The following OSBPL10 variants were observed in gnomAD, a reference collection of about 807,000 sequenced individuals.
OSBPL10 encodes the protein oxysterol binding protein like 10.
Under a neutral mutation model 81.7 loss-of-function variants are expected in OSBPL10, and 49 were observed. The observed-to-expected ratio is 0.60, with a 90% CI of 0.48 to 0.76. The LOEUF (loss-of-function observed/expected upper bound fraction) is 0.76. Among genes scored for constraint, OSBPL10 ranks in the 30% least tolerant of loss-of-function variants. OSBPL10 has a pLI of 0.00. For synonymous variants in OSBPL10, 419 were observed against 383.6 expected (o/e 1.09, Z -1.08); for missense variants, 923 against 987.8 (o/e 0.93, Z 0.88).
chr3:31,947,020 G>C (rs1398169788), intron 1 of OSBPL10, among the ~76,000 whole-genome samples: 1 of 152,110 alleles, frequency 6.6e-6, no homozygotes, highest in African/African-American at 2.4e-5. Flanking sequence ...GCAGTTATCA[G>C]AAGAGACAAA....
intron 1 of OSBPL10, among the ~76,000 whole-genome samples, chr3:31,921,020 C>T (rs2125706103): frequency 6.6e-6 from 1 of 152,228 alleles, no homozygotes; most frequent in East Asian, 1.9e-4. Context: ...ATTATAGCAA[C>T]ACAAATGGAC....
At chr3:31,849,136 C>T (rs1443474465) in intron 3 of OSBPL10, among the ~76,000 whole-genome samples, 3 of 152,206 alleles carry the variant, frequency 2.0e-5, no homozygotes, top group Non-Finnish European at 4.4e-5. Context: ...GTGAACAGAA[C>T]CAGCCATCAC....
chr3:31,895,426 C>G (rs552304487), intron 1 of OSBPL10, among the ~76,000 whole-genome samples: 8 of 151,920 alleles, frequency 5.3e-5, no homozygotes, highest in Non-Finnish European at 1.2e-4. Flanking sequence ...CATGAGCCAC[C>G]GCACCCAGCC....
At chr3:31,873,950 A>G (rs1257755758) in intron 3 of OSBPL10, among the ~76,000 whole-genome samples, 2 of 152,200 alleles carry the variant, frequency 1.3e-5, no homozygotes, top group Non-Finnish European at 2.9e-5. Flanking sequence ...ATGAGTGGTA[A>G]TAGCACTTTC....
At chr3:31,711,922 T>C (rs1054715089) in intron 6 of OSBPL10, among the ~76,000 whole-genome samples, 1 of 151,874 alleles carries the variant, frequency 6.6e-6, no homozygotes, top group Non-Finnish European at 1.5e-5. Flanking sequence ...TGATGCAAAA[T>C]CAAATAGCAA....
Position 31,675,945 on chromosome 3 carries a change from C to CAAAAAA in OSBPL10, c.1727-4968_1727-4963dup, listed in dbSNP as rs773575072. ...TGGGCGACAGAGCGAGACTCCATCT[C>CAAAAAA]AAAAAAAAAAAAAAAAAAAAGAGGA... On this transcript the variant is annotated intron_variant, in intron 8 of 11. Transcript: ENST00000396556. 8.7e-3 allele frequency among the ~76,000 whole-genome samples: 513 copies of CAAAAAA among 59,120 alleles called. 34 individuals are homozygous for CAAAAAA. Among genetic ancestry groups the CAAAAAA allele is most frequent in the African/African-American group, 0.027 (485 of 18,096 alleles). The allele number at this position is 59,120 out of a possible 152,430, so 38.8% of individuals were successfully genotyped here.
At chr3:32,019,646 C>G (rs1446754224) in intron 2 of OSBPL10, among the ~76,000 whole-genome samples, 1 of 152,086 alleles carries the variant, frequency 6.6e-6, no homozygotes, top group African/African-American at 2.4e-5. Context: ...GTATTGGCCT[C>G]ATTTGTAAAT....
At chr3:31,879,577 C>CA (rs1471729792) in intron 2 of OSBPL10, 78 bp downstream of exon 2, 33 of 1,461,274 alleles carry the variant, frequency 2.3e-5, no homozygotes, top group Middle Eastern at 1.8e-4. Context: ...TTTAAAAAAA[C>CA]AAAAAATCAA....
intron 2 of OSBPL10, among the ~76,000 whole-genome samples, chr3:31,999,315 ATTAT>A (rs1214316623): frequency 6.7e-6 from 1 of 148,882 alleles, no homozygotes; most frequent in Non-Finnish European, 1.5e-5. Context: ...AATGAATGTG[ATTAT>A]TTATGCTTTG....
At chr3:31,818,629 C>T (rs1446179725) in intron 4 of OSBPL10, among the ~76,000 whole-genome samples, 2 of 152,206 alleles carry the variant, frequency 1.3e-5, no homozygotes, top group African/African-American at 2.4e-5. Context: ...CCACTAACCG[C>T]TTCTCCAGCT....
At chr3:31,741,635 A>G (rs1575513763) in intron 5 of OSBPL10, among the ~76,000 whole-genome samples, 1 of 152,350 alleles carries the variant, frequency 6.6e-6, no homozygotes, top group East Asian at 1.9e-4. Flanking sequence ...AATAAAAAAT[A>G]AACACTTATC....
At chr3:32,055,026 C>G (rs987966460) in intron 1 of OSBPL10, among the ~76,000 whole-genome samples, 7 of 152,038 alleles carry the variant, frequency 4.6e-5, no homozygotes, top group Non-Finnish European at 5.9e-5. Context: ...ACTTTCAGGA[C>G]TCTCATGAAG....
At chr3:31,831,809 C>T (rs981983786) in intron 3 of OSBPL10, among the ~76,000 whole-genome samples, 8 of 152,162 alleles carry the variant, frequency 5.3e-5, no homozygotes, top group African/African-American at 1.9e-4. Context: ...CTGAGAACAG[C>T]AATCAGCAGA....
At chr3:31,759,777 T>TC (rs759867736) in intron 4 of OSBPL10, among the ~76,000 whole-genome samples, 2 of 152,108 alleles carry the variant, frequency 1.3e-5, no homozygotes, top group African/African-American at 2.4e-5. Context: ...CTTTTTTTTT[T>TC]CCCCAAGAGT....
intron 4 of OSBPL10, among the ~76,000 whole-genome samples, chr3:31,789,136 G>A (rs9850503): frequency 6.5e-4 from 99 of 152,238 alleles, no homozygotes; most frequent in African/African-American, 2.3e-3. Context: ...ATGCCACCAC[G>A]CCCAGCTAAT....
intron 7 of OSBPL10, 29 bp downstream of exon 7, chr3:31,702,330 C>T (rs1490352355): frequency 6.2e-7 from 1 of 1,610,238 alleles, no homozygotes; most frequent in Non-Finnish European, 8.5e-7. Flanking sequence ...CAACAACTGA[C>T]CACAAATCCA....
intron 1 of OSBPL10, among the ~76,000 whole-genome samples, chr3:31,937,058 G>A (rs1291908723): frequency 6.6e-6 from 1 of 152,186 alleles, no homozygotes; most frequent in African/African-American, 2.4e-5. Flanking sequence ...GTTGAGGCAG[G>A]CAGATCACAA....
intron 6 of OSBPL10, among the ~76,000 whole-genome samples, chr3:31,703,298 T>G (rs1695956559): frequency 1.3e-5 from 2 of 152,228 alleles, no homozygotes; most frequent in South Asian, 4.1e-4. Context: ...AGAATTCTAT[T>G]GAAAGAAGTA....
chr3:32,021,105 C>T (rs1699359713), intron 2 of OSBPL10, among the ~76,000 whole-genome samples: 1 of 146,602 alleles, frequency 6.8e-6, no homozygotes, highest in East Asian at 2.2e-4. Flanking sequence ...ATCCTCATTA[C>T]CTCATTTAAC....
Sources: gnomAD v4.1 joint callset for allele counts (sites outside exome capture counted in the v4.1 genomes callset) on GRCh38, gnomAD v4.1.1 for gene constraint, MANE v1.5 for transcripts, NCBI Gene and HGNC (gene_info 2026-07-23, HGNC 2026-07-21) for gene names.